Variants in LAMP2 observed in about 807,000 individuals in gnomAD.
The protein encoded by LAMP2 is lysosome associated membrane protein 2.
In LAMP2, 4 loss-of-function variants were observed where a neutral mutation model predicts 25.6. The ratio of observed to expected loss-of-function variants is 0.16; its 90% CI spans 0.08 to 0.36. The LOEUF is 0.36. LAMP2 is among the 10% of genes least tolerant of loss of function. The pLI is 1.00. For synonymous variants in LAMP2, 108 were observed against 112.7 expected (o/e 0.96, Z 0.27); for missense variants, 272 against 301.4 (o/e 0.90, Z 0.72).
At chrX:120,448,371 A>C (rs1226029589) in intron 4 of LAMP2, among the ~76,000 whole-genome samples, 2 of 112,343 alleles carry the variant, frequency 1.8e-5, no homozygotes, top group Non-Finnish European at 3.8e-5. Flanking sequence ...GTTAAGTCTT[A>C]AATTTTTTGG....
chrX:120,460,272 CA>C (rs995359695), intron 1 of LAMP2, among the ~76,000 whole-genome samples: 31 of 98,439 alleles, frequency 3.1e-4, no homozygotes, highest in Non-Finnish European at 3.1e-4. Context: ...GACTCCGTCT[CA>C]AAAAAAAAAA....
intron 3 of LAMP2, among the ~76,000 whole-genome samples, chrX:120,452,537 GTCTTTTCTTTT>G (rs1467159757): frequency 5.6e-5 from 6 of 106,972 alleles, no homozygotes; most frequent in African/African-American, 2.1e-4. Context: ...AAATCAGCCA[GTCTTTTCTTTT>G]TCTTTTCTTT....
intron 1 of LAMP2, among the ~76,000 whole-genome samples, chrX:120,464,615 G>T (rs1036451268): frequency 1.8e-5 from 2 of 111,761 alleles, no homozygotes; most frequent in Admixed American, 1.9e-4. Context: ...CAACACCCAG[G>T]TCTCTGCCCA....
chrX:120,436,649 T>C, intron 8 of LAMP2: 2 of 735,982 alleles, frequency 2.7e-6, no homozygotes, highest in Non-Finnish European at 3.2e-6. Context: ...TTTATACAAA[T>C]GCTAAAACAT....
intron 1 of LAMP2, among the ~76,000 whole-genome samples, chrX:120,457,432 C>T: frequency 8.9e-6 from 1 of 112,059 alleles, no homozygotes; most frequent in Non-Finnish European, 1.9e-5. Context: ...CTGTTAAATC[C>T]ATGAGAAAAA....
In LAMP2 at chrX:120,429,140, ATATATATGTGTGTG is replaced by A. The variant is rs1275193178; in HGVS notation, c.*2169_*2182del. On this transcript the variant is annotated 3_prime_UTR_variant, in exon 9 of 9. Transcript: ENST00000200639. ...TATGTGTATATATATGTGTGTGTGT[ATATATATGTGTGTG>A]TGTGTACATATATATATATATACAC... 1.5e-6 allele frequency: 1 copy of A among 681,393 alleles called. No individual in the cohort carries two copies. Among genetic ancestry groups the A allele is most frequent in the Non-Finnish European group, 1.7e-6 (1 of 579,976 alleles). The allele number at this position is 681,393 out of a possible 1,213,427, so 56.2% of individuals were successfully genotyped here.
At chrX:120,448,174 A>C (rs2058606572) in intron 4 of LAMP2, 149 bp from the exon 5 acceptor site, 2 of 513,865 alleles carry the variant, frequency 3.9e-6, no homozygotes, top group Non-Finnish European at 6.6e-6. Flanking sequence ...TTTGAAACTA[A>C]ATTAGGCAGA....
intron 8 of LAMP2, among the ~76,000 whole-genome samples, chrX:120,432,928 CAAA>C (rs60129285): frequency 1.4e-5 from 1 of 73,784 alleles, no homozygotes; most frequent in Admixed American, 1.6e-4. Context: ...GAACCCATCT[CAAA>C]AAAAAAAAAA....
At position 120,426,866 on chromosome X, in the gene LAMP2, G is replaced by A. The variant is rs1181634505; in HGVS notation, c.*4457C>T. Among the ~76,000 whole-genome samples the A allele has an allele frequency of 8.9e-6, 1 of 112,533 alleles. No homozygotes were observed. The highest frequency in any genetic ancestry group is 3.2e-5 in the African/African-American group (1 of 30,975). On this transcript the variant is annotated 3_prime_UTR_variant, in exon 9 of 9. Transcript: ENST00000200639. ...AGCAAATAGAGGAGAGTGTGAATCTGTATGTCAGAGCTATAGAGTTCTAGA... is the reference window on the plus strand; with the variant it reads ...AGCAAATAGAGGAGAGTGTGAATCTATATGTCAGAGCTATAGAGTTCTAGA...
rs745550609 is a variant in LAMP2 at position 120,449,415 on chromosome X, G to A, written c.398-287C>T. 2.7e-5 allele frequency among the ~76,000 whole-genome samples: 3 copies of A among 112,237 alleles called. No individual in the cohort carries two copies. The Admixed American group carries it at 2.8e-4, about 11-fold the overall frequency. On this transcript the variant is annotated intron_variant, in intron 3 of 8. Transcript: ENST00000200639. ...GGATCACCTGAGGTCAGGAGTTTGAGACCAGCCTGACCAACATGGTGAAAC... is the reference window on the plus strand; with the variant it reads ...GGATCACCTGAGGTCAGGAGTTTGAAACCAGCCTGACCAACATGGTGAAAC...
chrX:120,454,978 CATATATACTAGGATATGTGTGTAT>C (rs1324054668), intron 3 of LAMP2, among the ~76,000 whole-genome samples: 4 of 86,451 alleles, frequency 4.6e-5, no homozygotes, highest in African/African-American at 1.8e-4. Flanking sequence ...TATATATATA[CATATATACTAGGATATGTGTGTAT>C]ATATATACTA....
chrX:120,449,847 A>G (rs999133565), intron 3 of LAMP2, among the ~76,000 whole-genome samples: 11 of 111,378 alleles, frequency 9.9e-5, no homozygotes, highest in African/African-American at 3.6e-4. Flanking sequence ...AAAACTTTTC[A>G]GGGAAGCCAC....
At chrX:120,437,269 C>G in intron 8 of LAMP2, 1 of 725,092 alleles carries the variant, frequency 1.4e-6, no homozygotes, top group East Asian at 1.6e-4. Flanking sequence ...ATAAAAATAC[C>G]CATGCTAGCA....
chrX:120,459,248 G>C (rs776849766), intron 1 of LAMP2, among the ~76,000 whole-genome samples: 12 of 111,677 alleles, frequency 1.1e-4, no homozygotes, highest in Non-Finnish European at 2.3e-4. Flanking sequence ...TCGCTTTTTG[G>C]CTGCCCCAAA....
At chrX:120,457,491 G>A (rs12394918) in intron 1 of LAMP2, among the ~76,000 whole-genome samples, 2,316 of 111,915 alleles carry the variant, frequency 0.021, 58 homozygotes, top group African/African-American at 0.071. Flanking sequence ...CTTTAAAATC[G>A]AATTGATTAG....
Position 120,430,615 on chromosome X carries a change from A to T in LAMP2, c.*708T>A, listed in dbSNP as rs1263051881. ...TTCAGTCTATATTGCTGAAAAACAA[A>T]CAATTATCTTAAAAACTCTAATTAC... On this transcript the variant is annotated 3_prime_UTR_variant, in exon 9 of 9. Coordinates refer to ENST00000200639, the MANE Select transcript of LAMP2 (RefSeq NM_002294.3). 2.7e-6 allele frequency: 2 copies of T among 752,295 alleles called. No homozygotes were observed. Among genetic ancestry groups the T allele is most frequent in the African/African-American group, 4.6e-5 (2 of 43,428 alleles). The allele number at this position is 752,295 out of a possible 1,213,427, so 62.0% of individuals were successfully genotyped here.
Position 120,439,149 on chromosome X carries a change from T to A in LAMP2, c.1093+2581A>T, listed in dbSNP as rs764949357. On this transcript the variant is annotated intron_variant, in intron 8 of 8. Coordinates refer to ENST00000200639, the MANE Select transcript of LAMP2 (RefSeq NM_002294.3). ...TTTGTAACAGAGATCACGTATTGATTAGTGTTACAGAGTCTGATATCCAGC... is the reference window on the plus strand; with the variant it reads ...TTTGTAACAGAGATCACGTATTGATAAGTGTTACAGAGTCTGATATCCAGC... The A allele has an allele frequency of 2.3e-5, 28 of 1,208,858 alleles. No homozygotes were observed. In the Admixed American group the frequency reaches 6.1e-4, roughly 26 times the overall value.
Position 120,431,451 on chromosome X carries a change from T to C in LAMP2, c.1105A>G (p.Ser369Gly), listed in dbSNP as rs1425805718. The C allele has an allele frequency of 8.3e-7, 1 of 1,208,395 alleles. No individual in the cohort carries two copies. ...QGKYSTAQDC[S>G]ADDDNFLVPI... ...ACAAGGAAGTTGTCGTCATCTGCAC[T>C]GCAGTCTTGAGCTAGATGTGGAGAA... Residue 369 changes from serine to glycine, a missense_variant, in exon 9 of 9, where the codon AGT becomes GGT. Transcript: ENST00000200639.
rs189695743 is a variant in LAMP2, at chrX:120,427,695, G to C, written c.*3628C>G. On this transcript the variant is annotated 3_prime_UTR_variant, in exon 9 of 9. Transcript: ENST00000200639. Reference sequence around the variant, plus strand: ...AAATGAACCTTCTTAACAAGTTAAGGCTCTGAGGGAAAAAAACTTTCTAAA... The same window carrying C: ...AAATGAACCTTCTTAACAAGTTAAGCCTCTGAGGGAAAAAAACTTTCTAAA... 1.2e-4 allele frequency: 13 copies of C among 111,517 alleles called. No homozygotes were observed. The East Asian group carries it at 3.1e-3, about 26-fold the overall frequency. 9.2% of individuals were successfully genotyped at this position (111,517 alleles called of 1,213,427 possible).
Sources: gnomAD v4.1 joint callset for allele counts (sites outside exome capture counted in the v4.1 genomes callset) on GRCh38, gnomAD v4.1.1 for gene constraint, MANE v1.5 for transcripts, NCBI Gene and HGNC (gene_info 2026-07-23, HGNC 2026-07-21) for gene names.